The following NCALD variants were observed in gnomAD, a reference collection of about 807,000 sequenced individuals.
NCALD encodes neurocalcin delta.
NCALD carries 10 observed loss-of-function variants against 18.6 expected under a neutral mutation model. That is an observed-to-expected ratio of 0.54 (90% CI 0.33 to 0.91). The LOEUF (loss-of-function observed/expected upper bound fraction) is 0.91, where lower values mean the gene tolerates loss of function less well. NCALD is among the 40% of genes least tolerant of loss of function. NCALD has a pLI of 0.03. For missense variants in NCALD, 184 were observed against 247.6 expected (o/e 0.74, Z 1.72); for synonymous variants, 88 against 87.4 (o/e 1.01, Z -0.04).
intron 2 of NCALD, among the ~76,000 whole-genome samples, chr8:101,939,436 G>A (rs1375245719): frequency 6.6e-6 from 1 of 152,224 alleles, no homozygotes; most frequent in Non-Finnish European, 1.5e-5. Context: ...GCATTACTAA[G>A]TAGGTTGTCT....
chr8:101,713,324 G>A (rs1348684349), intron 2 of NCALD, among the ~76,000 whole-genome samples: 1 of 152,016 alleles, frequency 6.6e-6, no homozygotes, highest in Non-Finnish European at 1.5e-5. Flanking sequence ...GTAGAAAGCA[G>A]AAAATATCTA....
At chr8:101,864,503 C>A (rs1815678489) in intron 4 of NCALD, among the ~76,000 whole-genome samples, 1 of 151,260 alleles carries the variant, frequency 6.6e-6, no homozygotes, top group Admixed American at 6.6e-5. Context: ...AAGGTAACAA[C>A]AAAACAACAA....
upstream of NCALD, among the ~76,000 whole-genome samples, chr8:101,794,743 A>T (rs1433976496): frequency 6.6e-6 from 1 of 152,204 alleles, no homozygotes; most frequent in Non-Finnish European, 1.5e-5. Context: ...CTGAAGAGAG[A>T]GATGAAGTAA....
intron 3 of NCALD, among the ~76,000 whole-genome samples, chr8:101,913,391 T>G (rs1239833242): frequency 6.6e-6 from 1 of 152,242 alleles, no homozygotes; most frequent in Non-Finnish European, 1.5e-5. Context: ...TTTATCCAAT[T>G]CAAAACTTGA....
At chr8:101,836,420 G>A (rs933282765) in intron 4 of NCALD, among the ~76,000 whole-genome samples, 23 of 152,158 alleles carry the variant, frequency 1.5e-4, no homozygotes, top group African/African-American at 5.6e-4. Context: ...CCTGGGCCTT[G>A]GCACTCTCAT....
intron 4 of NCALD, among the ~76,000 whole-genome samples, chr8:101,802,799 C>T (rs893485006): frequency 5.4e-5 from 8 of 148,494 alleles, no homozygotes; most frequent in South Asian, 4.2e-4. Flanking sequence ...AAGCCATCTC[C>T]ATAACATAAA....
intron 2 of NCALD, among the ~76,000 whole-genome samples, chr8:101,964,348 C>A (rs904115733): frequency 6.6e-6 from 1 of 152,264 alleles, no homozygotes; most frequent in East Asian, 1.9e-4. Context: ...TTTCTATAAC[C>A]AATAACCCTC....
intron 4 of NCALD, among the ~76,000 whole-genome samples, chr8:101,870,947 A>G (rs1434167607): frequency 2.2e-5 from 3 of 134,508 alleles, no homozygotes; most frequent in Non-Finnish European, 4.6e-5. Context: ...TCTAAAGAAC[A>G]TCTGGTCGAA....
intron 1 of NCALD, among the ~76,000 whole-genome samples, chr8:102,089,860 T>C (rs1306559881): frequency 2.0e-5 from 3 of 152,236 alleles, no homozygotes; most frequent in Admixed American, 2.0e-4. Flanking sequence ...GTTAAAAGGG[T>C]ATTCAGTTTT....
chr8:102,075,600 TAGG>T (rs1263680938), intron 1 of NCALD, among the ~76,000 whole-genome samples: 2 of 152,310 alleles, frequency 1.3e-5, no homozygotes, highest in Non-Finnish European at 2.9e-5. Context: ...TTTAAATCAA[TAGG>T]AGAATCTTAA....
chr8:101,890,778 T>C (rs1483172337), intron 3 of NCALD, among the ~76,000 whole-genome samples: 1 of 152,228 alleles, frequency 6.6e-6, no homozygotes, highest in African/African-American at 2.4e-5. Flanking sequence ...CAGTCTCAGG[T>C]ATTTAGTTAT....
chr8:101,752,403 A>G (rs1160524282), intron 1 of NCALD, among the ~76,000 whole-genome samples: 1 of 152,212 alleles, frequency 6.6e-6, no homozygotes, highest in African/African-American at 2.4e-5. Context: ...ACCTAACCAA[A>G]ATAATTAAAT....
At chr8:101,824,706 C>T (rs971077093) in intron 4 of NCALD, among the ~76,000 whole-genome samples, 2 of 152,158 alleles carry the variant, frequency 1.3e-5, no homozygotes, top group African/African-American at 2.4e-5. Context: ...GTATTCCCAT[C>T]TTACAGGTGA....
chr8:101,775,849 T>C (rs2130922759), intron 1 of NCALD, among the ~76,000 whole-genome samples: 1 of 152,330 alleles, frequency 6.6e-6, no homozygotes, highest in Middle Eastern at 3.4e-3. Flanking sequence ...AAGACCTCAC[T>C]AGCCTATTAG....
At chr8:102,055,329 C>T (rs1823614630) in intron 1 of NCALD, among the ~76,000 whole-genome samples, 1 of 151,648 alleles carries the variant, frequency 6.6e-6, no homozygotes, top group Non-Finnish European at 1.5e-5. Flanking sequence ...TAGGGAGGTG[C>T]AGCCACTGCT....
chr8:101,763,516 A>G (rs907621597), intron 1 of NCALD, among the ~76,000 whole-genome samples: 1 of 152,178 alleles, frequency 6.6e-6, no homozygotes, highest in African/African-American at 2.4e-5. Context: ...GCTGTGTGTG[A>G]TCGTTCATCT....
chr8:101,975,204 T>C (rs4734046), intron 2 of NCALD: 60,542 of 152,072 alleles, frequency 0.4, 12,259 homozygotes, highest in South Asian at 0.45. Flanking sequence ...TTTGAAAATA[T>C]GCCAAGAGTA....
chr8:101,766,114 C>A (rs1811336245), intron 1 of NCALD, among the ~76,000 whole-genome samples: 1 of 152,140 alleles, frequency 6.6e-6, no homozygotes, highest in Non-Finnish European at 1.5e-5. Context: ...GGGAAAGTTT[C>A]TTTTTGGACA....
At chr8:102,010,917 A>G (rs1215206502) in intron 2 of NCALD, among the ~76,000 whole-genome samples, 1 of 152,234 alleles carries the variant, frequency 6.6e-6, no homozygotes, top group Non-Finnish European at 1.5e-5. Flanking sequence ...TATATGTACA[A>G]GAAAGTTGAT....
Sources: allele counts gnomAD v4.1 joint callset (sites outside exome capture counted in the v4.1 genomes callset), GRCh38; gene constraint gnomAD v4.1.1; transcripts MANE v1.5; gene names NCBI Gene and HGNC (gene_info 2026-07-23, HGNC 2026-07-21).